The following FGF13 variants were observed in gnomAD, a reference collection of about 807,000 sequenced individuals.
FGF13 encodes the protein fibroblast growth factor homologous factor 2.
In FGF13, 2 loss-of-function variants were observed where a neutral mutation model predicts 19.5. That is an observed-to-expected ratio of 0.10 (90% confidence interval 0.04 to 0.32). The LOEUF (loss-of-function observed/expected upper bound fraction) is 0.32, where lower values mean the gene tolerates loss of function less well. FGF13 is among the 10% of genes least tolerant of loss of function. The probability of loss-of-function intolerance (pLI) is 1.00; values close to 1 mark genes in which losing one functional copy is unlikely to be tolerated. For synonymous variants in FGF13, 72 were observed against 76.9 expected (o/e 0.94, Z 0.33); for missense variants, 113 against 192.7 (o/e 0.59, Z 2.45).
intron 1 of FGF13, among the ~76,000 whole-genome samples, chrX:138,885,416 G>T (rs1048435732): frequency 9.0e-6 from 1 of 111,476 alleles, no homozygotes; most frequent in Non-Finnish European, 1.9e-5. Context: ...TAAGGGATAG[G>T]TACCTCTGCC....
intron 1 of FGF13, among the ~76,000 whole-genome samples, chrX:138,923,159 G>A (rs1187131836): frequency 1.8e-5 from 2 of 111,803 alleles, no homozygotes; most frequent in Admixed American, 9.5e-5. Flanking sequence ...GCAGTATGAT[G>A]TGCTTCATAA....
intron 1 of FGF13, among the ~76,000 whole-genome samples, chrX:138,876,279 C>T (rs1366498784): frequency 8.9e-6 from 1 of 112,340 alleles, no homozygotes; most frequent in Non-Finnish European, 1.9e-5. Flanking sequence ...AACCCTCTCA[C>T]CTTAAAATGT....
chrX:139,030,066 G>T (rs1379015342), intron 1 of FGF13, among the ~76,000 whole-genome samples: 2 of 111,819 alleles, frequency 1.8e-5, no homozygotes, highest in Admixed American at 1.9e-4. Context: ...TGGACTGTCT[G>T]CAGGCCCTAC....
At chrX:139,104,605 G>T (rs1423951082) in intron 1 of FGF13, among the ~76,000 whole-genome samples, 1 of 111,596 alleles carries the variant, frequency 9.0e-6, no homozygotes, top group African/African-American at 3.3e-5. Context: ...AGACTAAGTG[G>T]CTTATAAACA....
intron 1 of FGF13, among the ~76,000 whole-genome samples, chrX:139,195,513 A>G (rs961093099): frequency 1.8e-5 from 2 of 112,688 alleles, no homozygotes; most frequent in African/African-American, 6.5e-5. Flanking sequence ...AGAGCTAGAT[A>G]AATATTTTAA....
chrX:138,682,346 T>C (rs886739602), intron 3 of FGF13, among the ~76,000 whole-genome samples: 8 of 112,538 alleles, frequency 7.1e-5, no homozygotes, highest in Non-Finnish European at 1.3e-4. Context: ...CCCACACAAG[T>C]TGTGCCATTC....
At chrX:138,983,057 C>T (rs373467400) in intron 1 of FGF13, among the ~76,000 whole-genome samples, 2 of 111,424 alleles carry the variant, frequency 1.8e-5, no homozygotes, top group East Asian at 5.6e-4. Flanking sequence ...TTCTCTCATT[C>T]TGTACGTTGC....
intron 1 of FGF13, among the ~76,000 whole-genome samples, chrX:139,104,639 C>G (rs1334495206): frequency 1.8e-5 from 2 of 111,707 alleles, no homozygotes; most frequent in African/African-American, 6.5e-5. Context: ...TCGCACAGTT[C>G]TGGAGGCTTG....
In FGF13 at chrX:139,200,275, A is replaced by T. The variant is rs2084405329; in HGVS notation, c.-113+3141T>A. Among the ~76,000 whole-genome samples, 3 of 112,472 alleles carry T rather than the reference A, an allele frequency of 2.7e-5. No homozygotes were observed. In the Admixed American group the frequency reaches 2.8e-4, roughly 11 times the overall value. On this transcript the variant is annotated intron_variant, in intron 1 of 2. Coordinates refer to the FGF13 transcript ENST00000421460. ...TGCCTGGCCCAAGTCTGAGAAAGAC[A>T]CTTGATGAAACCTATTATAGTAAAC... is the stretch of plus-strand genomic sequence containing the variant.
chrX:139,046,176 A>G (rs2092286609), intron 1 of FGF13, among the ~76,000 whole-genome samples: 1 of 111,420 alleles, frequency 9.0e-6, no homozygotes, highest in South Asian at 3.8e-4. Flanking sequence ...CACAGCAGAA[A>G]GCAAAGAGAG....
chrX:138,766,921 G>A (rs2090506900), intron 3 of FGF13, among the ~76,000 whole-genome samples: 1 of 111,985 alleles, frequency 8.9e-6, no homozygotes, highest in African/African-American at 3.3e-5. Context: ...TATTGACTAG[G>A]AAGTCCTTTT....
At chrX:139,038,713 T>G (rs1405133185) in intron 1 of FGF13, among the ~76,000 whole-genome samples, 1 of 111,853 alleles carries the variant, frequency 8.9e-6, no homozygotes, top group Admixed American at 9.5e-5. Context: ...CTGATTTAAA[T>G]TAAACAACCA....
At chrX:138,794,333 T>A (rs925744561) in intron 3 of FGF13, among the ~76,000 whole-genome samples, 1 of 111,849 alleles carries the variant, frequency 8.9e-6, no homozygotes, top group Non-Finnish European at 1.9e-5. Context: ...AGCAAAACTA[T>A]ACAAGTTGCC....
chrX:139,137,415 G>T (rs1178089926), intron 1 of FGF13, among the ~76,000 whole-genome samples: 1 of 112,086 alleles, frequency 8.9e-6, no homozygotes, highest in African/African-American at 3.2e-5. Flanking sequence ...CTTATGCAGA[G>T]ATTTCTGGGC....
In FGF13 at chrX:139,128,648, C is replaced by T. The variant is rs1192089592; in HGVS notation, c.-113+74768G>A. On this transcript the variant is annotated intron_variant, in intron 1 of 2. Transcript: ENST00000421460. ...GTATGACCTTGAACAAGTCAGTCTG[C>T]TTCGACTTCCTCATTTATGAAATGA... is the stretch of plus-strand genomic sequence containing the variant. Among the ~76,000 whole-genome samples, 5 of 112,491 alleles carry T rather than the reference C, an allele frequency of 4.4e-5. No individual in the cohort carries two copies. In the Admixed American group the frequency reaches 4.7e-4, roughly 11 times the overall value.
At chrX:138,939,331 C>T (rs1461454412) in intron 1 of FGF13, among the ~76,000 whole-genome samples, 1 of 112,220 alleles carries the variant, frequency 8.9e-6, no homozygotes, top group East Asian at 2.8e-4. Flanking sequence ...TAAGCTAAAA[C>T]TAAGACAACA....
chrX:138,634,035 A>G (rs1362551374), intron 4 of FGF13, among the ~76,000 whole-genome samples: 1 of 111,110 alleles, frequency 9.0e-6, no homozygotes, highest in Non-Finnish European at 1.9e-5. Context: ...TTACCTCCCT[A>G]TCTTCCATAG....
At chrX:138,717,386 A>G (rs1245383832) in intron 1 of FGF13, among the ~76,000 whole-genome samples, 1 of 111,504 alleles carries the variant, frequency 9.0e-6, no homozygotes, top group African/African-American at 3.3e-5. Context: ...CTTCTATAAA[A>G]CCTTTTATGA....
intron 1 of FGF13, among the ~76,000 whole-genome samples, chrX:138,887,278 G>A (rs2124189205): frequency 9.0e-6 from 1 of 111,729 alleles, no homozygotes; most frequent in East Asian, 2.8e-4. Context: ...CTCCAGAAGG[G>A]CTAGCTATGA....
Sources: gnomAD v4.1 joint callset for allele counts (sites outside exome capture counted in the v4.1 genomes callset) on GRCh38, gnomAD v4.1.1 for gene constraint, MANE v1.5 for transcripts, NCBI Gene and HGNC (gene_info 2026-07-23, HGNC 2026-07-21) for gene names.